Variants in PRRC2A observed in about 807,000 individuals in gnomAD.
PRRC2A encodes the protein proline rich coiled-coil 2A, also known as protein PRRC2A.
Under a neutral mutation model 224.6 loss-of-function variants are expected in PRRC2A, and 59 were observed. The observed-to-expected ratio is 0.26, with a 90% CI of 0.21 to 0.33. PRRC2A has a LOEUF of 0.33. Among genes scored for constraint, PRRC2A ranks in the 10% least tolerant of loss-of-function variants. The pLI is 1.00. For missense variants in PRRC2A, 3,095 were observed against 2,880.7 expected, an observed-to-expected ratio of 1.07 and a Z score of -1.70; for synonymous variants, 1,194 against 1,109.5, an observed-to-expected ratio of 1.08 and a Z score of -1.51.
chr6:31,633,907 C>G lies in PRRC2A; in HGVS notation c.4637C>G (p.Thr1546Ser), dbSNP rs770378793. Residue 1546 changes from threonine to serine, a missense_variant, in exon 18 of 31, where the codon ACT becomes AGT. Physicochemically the swap from Thr to Ser is moderately conservative, Grantham distance 58. Transcript: ENST00000376033. ...CCAATGGTGAGAGGGGTGGGTGGGA[C>G]TCCTCGGGACTCTGCCGGGGTTAGT... is the stretch of plus-strand genomic sequence containing the variant. The part of the protein sequence containing the change: ...PGPMVRGVGG[T>S]PRDSAGVSPF... 2 of 1,581,914 alleles carry G rather than the reference C, an allele frequency of 1.3e-6. No individual in the cohort carries two copies. Among genetic ancestry groups the G allele is most frequent in the South Asian group, 1.2e-5 (1 of 85,584 alleles).
Position 31,633,986 on chromosome 6 carries a change from G to A in PRRC2A, c.4716G>A (p.Gln1572=). The A allele has an allele frequency of 6.2e-7, 1 of 1,605,274 alleles. No homozygotes were observed. The highest frequency in any genetic ancestry group is 8.5e-7 in the Non-Finnish European group (1 of 1,178,014). ...ERPPRKPELL[Q]EESLPPPHSS... ...CTCCCAGAAAACCAGAGCTGCTACAGGAGGTAAGGGATGGGTTTGAGATTG... is the reference window on the plus strand; with the variant it reads ...CTCCCAGAAAACCAGAGCTGCTACAAGAGGTAAGGGATGGGTTTGAGATTG... The change falls in exon 18 of 31, where the codon CAG becomes CAA. Residue 1572 remains glutamine, a synonymous_variant. Coordinates refer to ENST00000376033, the MANE Select transcript of PRRC2A (RefSeq NM_004638.4).
Position 31,624,474 on chromosome 6 carries a change from G to A in PRRC2A, c.415G>A (p.Val139Ile), listed in dbSNP as rs375506891. The A allele has an allele frequency of 8.7e-6, 14 of 1,613,850 alleles. No individual in the cohort carries two copies. Among genetic ancestry groups the A allele is most frequent in the African/African-American group, 1.3e-5 (1 of 74,944 alleles). Residue 139 changes from valine to isoleucine, a missense_variant, in exon 5 of 31, where the codon GTA (valine) becomes ATA (isoleucine). Physicochemically the swap from Val to Ile is conservative, Grantham distance 29. Coordinates refer to ENST00000376033, the MANE Select transcript of PRRC2A (RefSeq NM_004638.4). ...PENTPLVPSG[V>I]KSWAQASVTH... ...GAACACTCCTTTGGTTCCAAGCGGG[G>A]TAAAGTCCTGGGCACAAGCCAGCGT...
Position 31,636,519 on chromosome 6 carries a change from G to T in PRRC2A, c.5845G>T (p.Asp1949Tyr). Residue 1949 changes from aspartate to tyrosine, a missense_variant, in exon 27 of 31, where the codon GAT becomes TAT. By Grantham distance (160) the Asp-to-Tyr change is radical (BLOSUM62 -3). Transcript: ENST00000376033. This position sits in a 1 kb window ranked among gnomAD's most constrained non-coding sequence, Gnocchi z 4.3. ...PDTSLLQVRQ[D>Y]LPSPSDFYST... ...CCCTGTTTCCCGACAGGTACGCCAG[G>T]ATCTGCCATCCCCTTCGGATTTTTA... 6.2e-7 allele frequency: 1 copy of T among 1,609,716 alleles called. No homozygotes were observed. Among genetic ancestry groups the T allele is most frequent in the Non-Finnish European group, 8.5e-7 (1 of 1,178,202 alleles).
rs942144296 is a variant in PRRC2A at position 31,626,103 on chromosome 6, A to G, written c.923A>G (p.Lys308Arg). The G allele has an allele frequency of 1.2e-6, 2 of 1,612,526 alleles. No individual in the cohort carries two copies. Among genetic ancestry groups the G allele is most frequent in the Non-Finnish European group, 1.7e-6 (2 of 1,179,664 alleles). Residue 308 changes from lysine (K) to arginine (R), a missense_variant, in exon 9 of 31, where the codon AAA (lysine) becomes AGA (arginine). By Grantham distance (26) the Lys-to-Arg change is conservative. Transcript: ENST00000376033. The part of the protein sequence containing the change: ...VEPVGRPSIL[K>R]EDNLKEFDQL... ...CCTGTGGGTCGTCCCTCTATTCTCAAAGAGGATAATCTCAAAGAGTTTGAT... is the reference window on the plus strand; with the variant it reads ...CCTGTGGGTCGTCCCTCTATTCTCAGAGAGGATAATCTCAAAGAGTTTGAT...
At chr6:31,623,378 C>T (rs916438177) in intron 2 of PRRC2A, among the ~76,000 whole-genome samples, 1 of 149,514 alleles carries the variant, frequency 6.7e-6, no homozygotes, top group East Asian at 1.9e-4. Context: ...AGCGATTATC[C>T]TGCCTCAGCC....
chr6:31,632,106 C>G lies in PRRC2A; in HGVS notation c.3433C>G (p.Pro1145Ala), dbSNP rs1443738300. ...TCTCGCTCCCCCACCACCAGGAGCC[C>G]CACCTTCACCAGCCCCAGCCCGCTT... Reference protein sequence around the residue: ...VPLAPPPPGAPPSPAPARFTA... With the variant: ...VPLAPPPPGAAPSPAPARFTA... The change falls in exon 16 of 31, where the codon CCA (proline) becomes GCA (alanine). Residue 1145 changes from proline to alanine, a missense_variant. This residue lies in a region of PRRC2A where 2,001 missense variants were observed against 1,764.9 expected (regional missense o/e 1.13). Transcript: ENST00000376033. The G allele has an allele frequency of 6.4e-7, 1 of 1,551,932 alleles. No homozygotes were observed. The highest frequency in any genetic ancestry group is 1.9e-5 in the Admixed American group (1 of 52,662).
Position 31,627,038 on chromosome 6 carries a change from A to G in PRRC2A, c.1130A>G (p.Lys377Arg). ...CGGCCCCCTGAAGCAGATGGCAAAA[A>G]GGGCAACTCCCCCAACAGCGAACCG... ...EERPPEADGK[K>R]GNSPNSEPPT... Residue 377 changes from lysine (K) to arginine (R), a missense_variant, in exon 11 of 31, where the codon AAG (lysine) becomes AGG (arginine). Lys to Arg is a conservative substitution (Grantham distance 26, BLOSUM62 2). Transcript: ENST00000376033. This position sits in a 1 kb window ranked among gnomAD's most constrained non-coding sequence, Gnocchi z 5.6. 1 of 1,614,178 alleles carries G rather than the reference A, an allele frequency of 6.2e-7. No homozygotes were observed. Among genetic ancestry groups the G allele is most frequent in the Non-Finnish European group, 8.5e-7 (1 of 1,180,030 alleles).
At chr6:31,622,957 T>C (rs758433317) in intron 2 of PRRC2A, 56 bp downstream of exon 2, 60 of 1,394,696 alleles carry the variant, frequency 4.3e-5, no homozygotes, top group Non-Finnish European at 6.1e-5. Flanking sequence ...GCATGGGGCA[T>C]ACGTTTTAGA....
Position 31,627,139 on chromosome 6 carries a change from C to T in PRRC2A, c.1231C>T (p.Pro411Ser). The change falls in exon 11 of 31, where the codon CCC becomes TCC. Residue 411 changes from proline to serine, a missense_variant. Physicochemically the swap from Pro to Ser is moderately conservative, Grantham distance 74 (BLOSUM62 -1). Coordinates refer to ENST00000376033, the MANE Select transcript of PRRC2A (RefSeq NM_004638.4). This position sits in a 1 kb window ranked among gnomAD's most constrained non-coding sequence, Gnocchi z 5.6. ...TEPGPPAPKP[P>S]LPPPHRGPAG... ...GCCGGGACCTCCTGCCCCAAAGCCT[C>T]CCCTACCCCCACCTCACCGGGGCCC... The T allele has an allele frequency of 6.2e-7, 1 of 1,613,786 alleles. No individual in the cohort carries two copies. The highest frequency in any genetic ancestry group is 8.5e-7 in the Non-Finnish European group (1 of 1,179,938).
Position 31,631,567 on chromosome 6 carries a change from C to G in PRRC2A, c.2894C>G (p.Pro965Arg). 2 of 1,586,876 alleles carry G rather than the reference C, an allele frequency of 1.3e-6. No homozygotes were observed. Among genetic ancestry groups the G allele is most frequent in the East Asian group, 4.5e-5 (2 of 44,566 alleles). Residue 965 changes from proline to arginine, a missense_variant, in exon 16 of 31, where the codon CCT becomes CGT. Coordinates refer to ENST00000376033, the MANE Select transcript of PRRC2A (RefSeq NM_004638.4). The surrounding 1 kb of genome is among the most constrained non-coding windows in gnomAD (Gnocchi z 4.5). ...CCACCTACAAAAGTAGAAGAGCTGC[C>G]TCCCAAGCCCCTCGAACAGGGGGAT... ...PPPPTKVEEL[P>R]PKPLEQGDET... is the part of the protein sequence containing the mutation.
chr6:31,630,461 G>T, intron 14 of PRRC2A, 130 bp from the exon 15 acceptor site: 1 of 801,962 alleles, frequency 1.2e-6, no homozygotes, highest in South Asian at 1.7e-5. Flanking sequence ...TTATATAAGA[G>T]CAGGCAAGGC....
At chr6:31,623,014 G>A in intron 2 of PRRC2A, 113 bp downstream of exon 2, 2 of 958,566 alleles carry the variant, frequency 2.1e-6, no homozygotes, top group Non-Finnish European at 3.4e-6. Context: ...AAAGACTAGA[G>A]GAGATTTCCC....
In PRRC2A at chr6:31,633,417, C is replaced by G; in HGVS notation, c.4358C>G (p.Pro1453Arg). ...PEERPPGLPL[P>R]PPPPSSSAVF... is the part of the protein sequence containing the mutation. ...GAGCGTCCCCCGGGGCTTCCCCTGC[C>G]TCCCCCACCTCCCAGCAGTTCTGCT... The change falls in exon 17 of 31, where the codon CCT becomes CGT. Residue 1453 changes from proline to arginine, a missense_variant. Pro to Arg is a moderately radical substitution (Grantham distance 103). Around this residue, in one of 8 missense-constraint regions of PRRC2A, gnomAD observed 2,001 missense variants for 1,764.9 expected, o/e 1.13. Coordinates refer to ENST00000376033, the MANE Select transcript of PRRC2A (RefSeq NM_004638.4). 6.2e-7 allele frequency: 1 copy of G among 1,613,050 alleles called. No homozygotes were observed. The highest frequency in any genetic ancestry group is 8.5e-7 in the Non-Finnish European group (1 of 1,180,002).
rs772340527 is a variant in PRRC2A, at chr6:31,637,343, T to A, written c.6333+19T>A. The A allele has an allele frequency of 1.4e-5, 22 of 1,605,080 alleles. No homozygotes were observed. In the South Asian group the frequency reaches 1.9e-4, roughly 14 times the overall value. On this transcript the variant is annotated intron_variant, in intron 30 of 30. Transcript: ENST00000376033. Reference sequence around the variant, plus strand: ...CCAGCAGGTGAAGGAGAAACCCTTGTGGCCCCAACTCTAAATTCGAGTTGC... The same window carrying A: ...CCAGCAGGTGAAGGAGAAACCCTTGAGGCCCCAACTCTAAATTCGAGTTGC...
chr6:31,623,683 G>A, intron 2 of PRRC2A, 49 bp from the exon 3 acceptor site: 1 of 1,591,210 alleles, frequency 6.3e-7, no homozygotes, highest in Non-Finnish European at 8.6e-7. Flanking sequence ...GAGGCCATCA[G>A]ATCTCCCACA....
Position 31,633,386 on chromosome 6 carries a change from C to T in PRRC2A, c.4327C>T (p.Pro1443Ser), listed in dbSNP as rs1244637743. 6.2e-7 allele frequency: 1 copy of T among 1,612,604 alleles called. No homozygotes were observed. The highest frequency in any genetic ancestry group is 1.1e-5 in the South Asian group (1 of 91,056). The change falls in exon 17 of 31, where the codon CCA (proline) becomes TCA (serine). Residue 1443 changes from proline (P) to serine (S), a missense_variant. Pro to Ser is a moderately conservative substitution (Grantham distance 74, BLOSUM62 -1). Coordinates refer to ENST00000376033, the MANE Select transcript of PRRC2A (RefSeq NM_004638.4). Reference protein sequence around the residue: ...WPSPKNRSRPPEERPPGLPLP... With the variant: ...WPSPKNRSRPSEERPPGLPLP... ...ATGCTCTGTTTTCTCCAGTCGTCCT[C>T]CAGAGGAGCGTCCCCCGGGGCTTCC...
Position 31,627,098 on chromosome 6 carries a change from G to T in PRRC2A, c.1190G>T (p.Arg397Leu). The T allele has an allele frequency of 6.2e-7, 1 of 1,614,060 alleles. No homozygotes were observed. The highest frequency in any genetic ancestry group is 8.5e-7 in the Non-Finnish European group (1 of 1,180,004). ...TPKTAWAETS[R>L]PPETEPGPPA... The stretch of plus-strand genomic sequence containing the variant: ...AAGACGGCCTGGGCAGAAACCTCTC[G>T]GCCTCCAGAGACAGAGCCGGGACCT... The change falls in exon 11 of 31, where the codon CGG becomes CTG. Residue 397 changes from arginine to leucine, a missense_variant. Arg to Leu is a moderately radical substitution (Grantham distance 102). Transcript: ENST00000376033. The surrounding 1 kb of genome is among the most constrained non-coding windows in gnomAD (Gnocchi z 5.6).
In PRRC2A at chr6:31,636,670, T is replaced by C. The variant is rs1777387649; in HGVS notation, c.5934+62T>C. The C allele has an allele frequency of 6.9e-6, 11 of 1,594,262 alleles. No homozygotes were observed. The highest frequency in any genetic ancestry group is 8.6e-6 in the Non-Finnish European group (10 of 1,166,152). Reference sequence around the variant, plus strand: ...TCTCTGTCCAGTTGCTGGCTTTGATTTTCCCTGGTTTTCTGACATTCCTCC... The same window carrying C: ...TCTCTGTCCAGTTGCTGGCTTTGATCTTCCCTGGTTTTCTGACATTCCTCC... On this transcript the variant is annotated intron_variant, in intron 27 of 30. Coordinates refer to ENST00000376033, the MANE Select transcript of PRRC2A (RefSeq NM_004638.4). This position sits in a 1 kb window ranked among gnomAD's most constrained non-coding sequence, Gnocchi z 4.3.
chr6:31,633,363 G>T lies in PRRC2A; in HGVS notation c.4320-16G>T, dbSNP rs758883398. 1 of 1,608,260 alleles carries T rather than the reference G, an allele frequency of 6.2e-7. No individual in the cohort carries two copies. Among genetic ancestry groups the T allele is most frequent in the Middle Eastern group, 1.7e-4 (1 of 6,032 alleles). The stretch of plus-strand genomic sequence containing the variant: ...CGATTTAGTGGATACTGGAGCTAAT[G>T]CTCTGTTTTCTCCAGTCGTCCTCCA... On this transcript the variant is annotated splice_polypyrimidine_tract_variant and intron_variant, in intron 16 of 30. Transcript: ENST00000376033.
Sources: gnomAD v4.1 joint callset for allele counts (sites outside exome capture counted in the v4.1 genomes callset) on GRCh38, gnomAD v4.1.1 for gene constraint, gnomAD v4.1.1 regional missense constraint, Gnocchi (gnomAD v3.1) non-coding constraint, MANE v1.5 for transcripts, NCBI Gene and HGNC (gene_info 2026-07-23, HGNC 2026-07-21) for gene names.